COL24A1: variants seen among roughly 807,000 people sequenced by gnomAD.
The protein encoded by COL24A1 is collagen alpha-1(XXIV) chain.
Under a neutral mutation model 253.9 loss-of-function variants are expected in COL24A1, and 224 were observed. That is an observed-to-expected ratio of 0.88 (90% confidence interval 0.79 to 0.99). The LOEUF is 0.99. Ranked by LOEUF, COL24A1 falls within the 50% of genes least tolerant of loss-of-function variation. COL24A1 has a pLI of 0.00. For synonymous variants in COL24A1, 685 were observed against 673.7 expected, an observed-to-expected ratio of 1.02 and a Z score of -0.26; for missense variants, 2,131 against 2,068.5, an observed-to-expected ratio of 1.03 and a Z score of -0.59.
chr1:85,923,688 T>G (rs1686822112), intron 24 of COL24A1, among the ~76,000 whole-genome samples: 1 of 152,194 alleles, frequency 6.6e-6, no homozygotes, highest in Non-Finnish European at 1.5e-5. Flanking sequence ...GAGGGAAATT[T>G]AGAGCACTAA....
Position 85,735,079 on chromosome 1 carries a change from G to A in COL24A1, c.4783-115C>T, listed in dbSNP as rs1192203653. The A allele has an allele frequency of 5.7e-6, 5 of 876,396 alleles. No individual in the cohort carries two copies. The Admixed American group carries it at 1.1e-4, about 20-fold the overall frequency. The allele number at this position is 876,396 out of a possible 1,614,324, so 54.3% of individuals were successfully genotyped here. A position where few individuals can be genotyped will look rare whatever the true frequency, so the allele number is the denominator to read the frequency against. On this transcript the variant is annotated intron_variant, in intron 58 of 59. Coordinates refer to ENST00000370571, the MANE Select transcript of COL24A1 (RefSeq NM_152890.7). Reference sequence around the variant, plus strand: ...CAGCCTCCAGAAAGCTCCTTTCCTTGGAACTGAAGTGCCAGTCAGTGGTGT... The same window carrying A: ...CAGCCTCCAGAAAGCTCCTTTCCTTAGAACTGAAGTGCCAGTCAGTGGTGT...
chr1:86,007,871 T>C (rs942105755), intron 19 of COL24A1, among the ~76,000 whole-genome samples: 1 of 152,152 alleles, frequency 6.6e-6, no homozygotes, highest in Non-Finnish European at 1.5e-5. Context: ...ATACTCTGTA[T>C]AATAATATAA....
At chr1:86,071,796 C>T (rs1294593441) in intron 7 of COL24A1, among the ~76,000 whole-genome samples, 1 of 152,108 alleles carries the variant, frequency 6.6e-6, no homozygotes, top group Non-Finnish European at 1.5e-5. Flanking sequence ...TTGCTGGAGA[C>T]TTCAATACCT....
intron 12 of COL24A1, among the ~76,000 whole-genome samples, chr1:86,041,027 A>T (rs971288296): frequency 6.6e-6 from 1 of 152,154 alleles, no homozygotes; most frequent in Non-Finnish European, 1.5e-5. Flanking sequence ...TGAAATTCTA[A>T]CTCTAGATTT....
chr1:86,044,125 A>T (rs142269188), intron 12 of COL24A1, among the ~76,000 whole-genome samples: 8 of 152,318 alleles, frequency 5.3e-5, no homozygotes, highest in Non-Finnish European at 1.0e-4. Flanking sequence ...TTATCAAAAG[A>T]TCTTTTCCTT....
intron 43 of COL24A1, among the ~76,000 whole-genome samples, chr1:85,826,861 G>T (rs1458984472): frequency 2.6e-5 from 4 of 152,102 alleles, no homozygotes; most frequent in East Asian, 1.9e-4. Context: ...TACAATCATG[G>T]CATCTGCAAA....
At chr1:85,933,033 C>A (rs1264697773) in intron 24 of COL24A1, among the ~76,000 whole-genome samples, 3 of 119,116 alleles carry the variant, frequency 2.5e-5, no homozygotes, top group South Asian at 6.1e-4. Flanking sequence ...CACATGTATA[C>A]ATATGTAACT....
rs1648212470 is a variant in COL24A1, at chr1:86,125,933, C to T, written c.403G>A (p.Val135Ile). Residue 135 changes from valine (V) to isoleucine (I), a missense_variant, in exon 3 of 60, where the codon GTA (valine) becomes ATA (isoleucine). By Grantham distance (29) the Val-to-Ile change is conservative (BLOSUM62 3). Coordinates refer to ENST00000370571, the MANE Select transcript of COL24A1 (RefSeq NM_152890.7). ...IRNKNRLQLG[V>I]QLLPKKLVVH... ...ACTAATTTTTTAGGTAGTAATTGTA[C>T]TCCTAATTGCAGTCTATTTTTATTT... 2.5e-6 allele frequency: 4 copies of T among 1,613,298 alleles called. No homozygotes were observed. The highest frequency in any genetic ancestry group is 8.5e-7 in the Non-Finnish European group (1 of 1,179,728).
At chr1:85,943,630 A>G (rs1191450508) in intron 24 of COL24A1, among the ~76,000 whole-genome samples, 1 of 152,252 alleles carries the variant, frequency 6.6e-6, no homozygotes, top group African/African-American at 2.4e-5. Flanking sequence ...AAATCACTTA[A>G]TTGCAACAGT....
chr1:85,830,298 A>G (rs572230231), intron 43 of COL24A1, among the ~76,000 whole-genome samples: 39 of 152,178 alleles, frequency 2.6e-4, no homozygotes, highest in African/African-American at 8.4e-4. Flanking sequence ...CTCCAGTTGC[A>G]TGCTGGGAGA....
At chr1:85,887,138 T>C (rs1163677140) in intron 32 of COL24A1, among the ~76,000 whole-genome samples, 1 of 152,204 alleles carries the variant, frequency 6.6e-6, no homozygotes, top group Non-Finnish European at 1.5e-5. Context: ...GGGGATATTA[T>C]AAAGCAAGCT....
intron 46 of COL24A1, 91 bp from the exon 47 acceptor site, chr1:85,816,986 A>G: frequency 2.1e-6 from 2 of 962,192 alleles, no homozygotes; most frequent in Non-Finnish European, 1.6e-6. Flanking sequence ...GGAGAAGTTT[A>G]CATTTTTATA....
At chr1:85,933,727 T>C (rs1688013077) in intron 24 of COL24A1, among the ~76,000 whole-genome samples, 1 of 152,200 alleles carries the variant, frequency 6.6e-6, no homozygotes, top group South Asian at 2.1e-4. Context: ...ATTGTAAAGT[T>C]GTCAAAGGCA....
At chr1:85,811,182 CA>C (rs1050945491) in intron 47 of COL24A1, among the ~76,000 whole-genome samples, 4 of 152,120 alleles carry the variant, frequency 2.6e-5, no homozygotes, top group African/African-American at 4.8e-5. Context: ...CAATATATTC[CA>C]AAAATATTCC....
chr1:85,897,419 GA>G (rs60913041), intron 28 of COL24A1, among the ~76,000 whole-genome samples: 17 of 131,282 alleles, frequency 1.3e-4, no homozygotes, highest in South Asian at 4.8e-4. Flanking sequence ...AAAAATTGAA[GA>G]AAAAAAAAGA....
chr1:85,987,570 T>A (rs556793484), intron 20 of COL24A1, 31 bp downstream of exon 20: 1 of 1,583,430 alleles, frequency 6.3e-7, no homozygotes, highest in East Asian at 2.2e-5. Flanking sequence ...TAACCATAAT[T>A]GTTTAGTCTC....
chr1:86,063,959 T>G (rs994832524), intron 7 of COL24A1, among the ~76,000 whole-genome samples, 200 bp from the exon 8 acceptor site: 5 of 151,964 alleles, frequency 3.3e-5, no homozygotes, highest in Middle Eastern at 3.2e-3. Flanking sequence ...AAAAAATTAA[T>G]TCTTATTAAT....
intron 12 of COL24A1, among the ~76,000 whole-genome samples, chr1:86,044,651 GTCT>G (rs1699765043): frequency 6.6e-6 from 1 of 152,106 alleles, no homozygotes; most frequent in African/African-American, 2.4e-5. Flanking sequence ...TTTTTCAGCT[GTCT>G]TCTTAAACTC....
chr1:85,764,642 T>C (rs1667181093), intron 53 of COL24A1, among the ~76,000 whole-genome samples: 1 of 152,188 alleles, frequency 6.6e-6, no homozygotes, highest in Non-Finnish European at 1.5e-5. Flanking sequence ...TGGTCTTAAG[T>C]GAACTGCTGC....
Sources: gnomAD v4.1 joint callset for allele counts (sites outside exome capture counted in the v4.1 genomes callset) on GRCh38, gnomAD v4.1.1 for gene constraint, MANE v1.5 for transcripts, NCBI Gene and HGNC (gene_info 2026-07-23, HGNC 2026-07-21) for gene names.